Variants in HERC5 observed in about 807,000 individuals in gnomAD.
The protein encoded by HERC5 is HECT and RLD domain containing E3 ubiquitin protein ligase 5.
A neutral mutation model predicts 119.6 loss-of-function variants in HERC5; 99 were observed. The ratio of observed to expected loss-of-function variants is 0.83; its 90% CI spans 0.70 to 0.98. The LOEUF is 0.98. Ranked by LOEUF, HERC5 falls within the 50% of genes least tolerant of loss-of-function variation. The probability of loss-of-function intolerance (pLI) is 0.00; values close to 1 mark genes in which losing one functional copy is unlikely to be tolerated. For missense variants in HERC5, 1,267 were observed against 1,241.3 expected, an observed-to-expected ratio of 1.02 and a Z score of -0.31; for synonymous variants, 478 against 445.9, an observed-to-expected ratio of 1.07 and a Z score of -0.91.
intron 12 of HERC5, among the ~76,000 whole-genome samples, chr4:88,476,951 C>A (rs552955595): frequency 1.1e-4 from 17 of 151,186 alleles, no homozygotes; most frequent in Non-Finnish European, 2.2e-4. Context: ...CCTGTATTAC[C>A]CTGGCATCAT....
intron 18 of HERC5, among the ~76,000 whole-genome samples, chr4:88,495,182 C>T (rs1297634741): frequency 6.6e-6 from 1 of 152,066 alleles, no homozygotes; most frequent in African/African-American, 2.4e-5. Context: ...CCCTAAATGT[C>T]CTTCACTAAG....
At chr4:88,459,966 G>C in intron 2 of HERC5, 129 bp from the exon 3 acceptor site, 1 of 560,640 alleles carries the variant, frequency 1.8e-6, no homozygotes, top group South Asian at 2.5e-5. Context: ...TAGATGTACT[G>C]AATGTGATGC....
At chr4:88,467,975 A>G (rs974254893) in intron 7 of HERC5, 8 of 638,856 alleles carry the variant, frequency 1.3e-5, no homozygotes, top group Non-Finnish European at 1.6e-5. Context: ...ACATGGGCTT[A>G]AAGTACTTAT....
intron 18 of HERC5, among the ~76,000 whole-genome samples, chr4:88,496,005 G>A (rs984187005): frequency 4.6e-5 from 7 of 152,062 alleles, no homozygotes; most frequent in East Asian, 1.9e-4. Flanking sequence ...CAATATTTAC[G>A]GGATTAGAAA....
chr4:88,494,043 C>A, intron 17 of HERC5, 122 bp from the exon 18 acceptor site: 1 of 582,344 alleles, frequency 1.7e-6, no homozygotes, highest in Non-Finnish European at 2.7e-6. Flanking sequence ...TTATCTCAGG[C>A]TTTAAATTTT....
intron 19 of HERC5, among the ~76,000 whole-genome samples, 177 bp from the exon 20 acceptor site, chr4:88,500,738 T>G (rs886499691): frequency 6.6e-6 from 1 of 152,252 alleles, no homozygotes; most frequent in Non-Finnish European, 1.5e-5. Flanking sequence ...AAAAATTTAT[T>G]TTTATTCAGT....
chr4:88,493,303 TA>T, intron 17 of HERC5, 148 bp downstream of exon 17: 1 of 673,850 alleles, frequency 1.5e-6, no homozygotes, highest in Non-Finnish European at 2.3e-6. Context: ...ATAAGGTGAT[TA>T]TTTTCTTTAA....
chr4:88,469,429 G>A (rs1244397336), intron 9 of HERC5, among the ~76,000 whole-genome samples, 169 bp downstream of exon 9: 2 of 152,174 alleles, frequency 1.3e-5, no homozygotes, highest in Admixed American at 6.6e-5. Context: ...ATGTCTGTCT[G>A]TCCATCTATG....
chr4:88,468,310 C>CT (rs778353353), intron 7 of HERC5, 36 bp from the exon 8 acceptor site: 29 of 1,465,950 alleles, frequency 2.0e-5, no homozygotes, highest in Middle Eastern at 3.5e-4. Flanking sequence ...TGCCAAATGA[C>CT]TTTCTAAAAC....
At chr4:88,465,248 C>T (rs1373666829) in intron 6 of HERC5, among the ~76,000 whole-genome samples, 4 of 152,114 alleles carry the variant, frequency 2.6e-5, no homozygotes, top group Admixed American at 6.5e-5. Context: ...TATCAGTCCA[C>T]GTCTTGCCAG....
At chr4:88,467,306 G>C (rs1178026998) in intron 7 of HERC5, 102 bp downstream of exon 7, 7 of 1,206,264 alleles carry the variant, frequency 5.8e-6, no homozygotes, top group Non-Finnish European at 7.0e-6. Context: ...TGACTATGAA[G>C]GGAGTTTCTC....
intron 13 of HERC5, among the ~76,000 whole-genome samples, chr4:88,483,654 G>A (rs1741362429): frequency 1.3e-5 from 2 of 149,800 alleles, no homozygotes; most frequent in South Asian, 4.2e-4. Context: ...TCAGCTTCCT[G>A]AGTAGCCAGG....
rs983668529 is a variant in HERC5, at chr4:88,501,088, CATTT to C, written c.2582+104_2582+107del. ...TCTTTAATTTTTCATTCTCATTAAT[CATTT>C]TTCACTAAGGCAGAGAAGTTGGTGT... is the stretch of plus-strand genomic sequence containing the variant. On this transcript the variant is annotated intron_variant, in intron 20 of 22. Coordinates refer to ENST00000264350, the MANE Select transcript of HERC5 (RefSeq NM_016323.4). 1.1e-4 allele frequency: 80 copies of C among 718,312 alleles called. No homozygotes were observed. In the African/African-American group the frequency reaches 1.4e-3, roughly 13 times the overall value. The allele number at this position is 718,312 out of a possible 1,614,324, so 44.5% of individuals were successfully genotyped here. A position where few individuals can be genotyped will look rare whatever the true frequency, so the allele number is the denominator to read the frequency against.
chr4:88,489,472 C>CTT, intron 16 of HERC5, 136 bp downstream of exon 16: 1 of 818,704 alleles, frequency 1.2e-6, no homozygotes, highest in Non-Finnish European at 1.9e-6. Flanking sequence ...CCTCTGATTC[C>CTT]CTAGTTGCCT....
rs1415176915 is a variant in HERC5, at chr4:88,467,139, G to A, written c.992G>A (p.Gly331Asp). The change falls in exon 7 of 23, where the codon GGT (glycine) becomes GAT (aspartate). Residue 331 changes from glycine (G) to aspartate (D), a missense_variant. Gly to Asp is a moderately conservative substitution (Grantham distance 94). Transcript: ENST00000264350. ...GSGKDGQLGNGGTRDQLMPLP... is the reference protein window; with the variant it reads ...GSGKDGQLGNDGTRDQLMPLP... ...GGAAAAGATGGACAACTGGGAAATG[G>A]TGGAACACGTGACCAGCTGATGCCG... 6.2e-7 allele frequency: 1 copy of A among 1,614,062 alleles called. No homozygotes were observed. The highest frequency in any genetic ancestry group is 8.5e-7 in the Non-Finnish European group (1 of 1,180,018).
Position 88,460,112 on chromosome 4 carries a change from A to C in HERC5, c.407A>C (p.Gln136Pro). ...MKHLRFESIL[Q>P]EKKIIQITCG... The stretch of plus-strand genomic sequence containing the variant: ...TTCATCAGGTTTGAAAGCATTTTAC[A>C]AGAAAAAAAAATAATTCAGATCACA... Residue 136 changes from glutamine to proline, a missense_variant, in exon 3 of 23, where the codon CAA (glutamine) becomes CCA (proline). Gln to Pro is a moderately conservative substitution (Grantham distance 76). This residue lies in a region of HERC5 where 777 missense variants were observed against 758.0 expected (regional missense o/e 1.03). Coordinates refer to ENST00000264350, the MANE Select transcript of HERC5 (RefSeq NM_016323.4). 2 of 1,580,852 alleles carry C rather than the reference A, an allele frequency of 1.3e-6. No homozygotes were observed. The highest frequency in any genetic ancestry group is 1.7e-6 in the Non-Finnish European group (2 of 1,152,434).
chr4:88,484,531 A>C (rs984903070), intron 13 of HERC5, among the ~76,000 whole-genome samples: 1 of 152,246 alleles, frequency 6.6e-6, no homozygotes, highest in Non-Finnish European at 1.5e-5. Context: ...TTTTGTAATT[A>C]CAGATCCTAT....
At chr4:88,481,760 A>G (rs962967040) in intron 13 of HERC5, among the ~76,000 whole-genome samples, 1 of 152,200 alleles carries the variant, frequency 6.6e-6, no homozygotes, top group Non-Finnish European at 1.5e-5. Flanking sequence ...GGTCATGGCT[A>G]TGTTCCAATA....
chr4:88,459,652 C>T (rs1366630905), intron 2 of HERC5, among the ~76,000 whole-genome samples, 182 bp downstream of exon 2: 1 of 152,074 alleles, frequency 6.6e-6, no homozygotes, highest in Non-Finnish European at 1.5e-5. Flanking sequence ...GTTGTTTTGG[C>T]ATTTAAAGGA....
Sources: gnomAD v4.1 joint callset for allele counts (sites outside exome capture counted in the v4.1 genomes callset) on GRCh38, gnomAD v4.1.1 for gene constraint, gnomAD v4.1.1 regional missense constraint, MANE v1.5 for transcripts, NCBI Gene and HGNC (gene_info 2026-07-23, HGNC 2026-07-21) for gene names.